The following TEX36 variants were observed in gnomAD, a reference collection of about 807,000 sequenced individuals.
The protein encoded by TEX36 is testis expressed 36, also known as testis-expressed protein 36.
In TEX36, 12 loss-of-function variants were observed where a neutral mutation model predicts 13.6. The observed-to-expected ratio is 0.88, with a 90% confidence interval of 0.56 to 1.43. The LOEUF is 1.43. TEX36 is among the 40% of genes most tolerant of loss of function. TEX36 has a pLI of 0.00. For synonymous variants in TEX36, 93 were observed against 83.0 expected, an observed-to-expected ratio of 1.12 and a Z score of -0.65; for missense variants, 224 against 228.3, an observed-to-expected ratio of 0.98 and a Z score of 0.12.
chr10:125,666,462 G>A (rs1021858104), intron 1 of TEX36, among the ~76,000 whole-genome samples: 3 of 152,040 alleles, frequency 2.0e-5, no homozygotes, highest in Admixed American at 2.0e-4. Flanking sequence ...TAATCATATG[G>A]TTTTTGTCCT....
rs35828943 is a variant in TEX36 at position 125,608,972 on chromosome 10, TAAAAAAAAAAA to T, written c.265-32109_265-32099del. Among the ~76,000 whole-genome samples, 158 of 83,330 alleles carry T rather than the reference TAAAAAAAAAAA, an allele frequency of 1.9e-3. 1 individual carries two copies. Among genetic ancestry groups the T allele is most frequent in the African/African-American group, 6.8e-3 (150 of 22,122 alleles). 54.7% of individuals were successfully genotyped at this position (83,330 alleles called of 152,430 possible). ...CAACATGGTGAAACCCCACCTCTAC[TAAAAAAAAAAA>T]AAAAAAAAGAAAGAAAAGAAAAGAA... On this transcript the variant is annotated intron_variant, in intron 3 of 3. Transcript: ENST00000532135.
chr10:125,596,758 A>T (rs2036221769), intron 3 of TEX36, among the ~76,000 whole-genome samples: 1 of 152,220 alleles, frequency 6.6e-6, no homozygotes, highest in Non-Finnish European at 1.5e-5. Flanking sequence ...AAATCAGCAG[A>T]TAGGCCCTAT....
chr10:125,608,629 C>A (rs1260595753), intron 3 of TEX36, among the ~76,000 whole-genome samples: 1 of 152,096 alleles, frequency 6.6e-6, no homozygotes, highest in Non-Finnish European at 1.5e-5. Context: ...AGACTGCCCC[C>A]TGGAGCACCC....
At chr10:125,662,255 C>T (rs1847057334) in intron 1 of TEX36, among the ~76,000 whole-genome samples, 1 of 152,114 alleles carries the variant, frequency 6.6e-6, no homozygotes, top group South Asian at 2.1e-4. Context: ...AGGGTGTGGT[C>T]CTCAGTGAGT....
At position 125,627,972 on chromosome 10, in the gene TEX36, G is replaced by A. The variant is rs17153318; in HGVS notation, c.265-6327C>T. On this transcript the variant is annotated intron_variant, in intron 3 of 3. Coordinates refer to the TEX36 transcript ENST00000526819. ...AAGAGACTTGTCCAGGCTAACTGAA[G>A]TGACTGTAAGACCAGAGTCACAATT... Among the ~76,000 whole-genome samples the A allele has an allele frequency of 7.9e-3, 1,198 of 152,336 alleles. 20 individuals carry two copies. Among genetic ancestry groups the A allele is most frequent in the African/African-American group, 0.027 (1,139 of 41,580 alleles).
intron 3 of TEX36, among the ~76,000 whole-genome samples, chr10:125,647,862 C>A (rs551527169): frequency 6.6e-6 from 1 of 152,186 alleles, no homozygotes; most frequent in African/African-American, 2.4e-5. Context: ...TTATATCCCG[C>A]GCCTGGCTCA....
chr10:125,597,746 A>C (rs1459453429), intron 3 of TEX36, among the ~76,000 whole-genome samples: 1 of 152,188 alleles, frequency 6.6e-6, no homozygotes, highest in African/African-American at 2.4e-5. Flanking sequence ...AAAGAATGGC[A>C]GTCAGGGTTT....
At chr10:125,622,840 T>C (rs1846444775) in intron 3 of TEX36, among the ~76,000 whole-genome samples, 1 of 152,234 alleles carries the variant, frequency 6.6e-6, no homozygotes, top group Admixed American at 6.5e-5. Context: ...CCTGTTGACT[T>C]AGAGGCAGGA....
In TEX36 at chr10:125,661,040, G is replaced by C. The variant is rs1192135605; in HGVS notation, c.245C>G (p.Ser82Cys). 6.4e-7 allele frequency: 1 copy of C among 1,551,860 alleles called. No homozygotes were observed. Among genetic ancestry groups the C allele is most frequent in the Non-Finnish European group, 8.7e-7 (1 of 1,146,976 alleles). The change falls in exon 3 of 4, where the codon TCT becomes TGT. Residue 82 changes from serine to cysteine, a missense_variant. Transcript: ENST00000368821. ...ACTCACGGAGTCAAGGTAGCATCCA[G>C]AGTTCTCCAAGCTGTGCCGATTGTC... Reference protein sequence around the residue: ...VHDNRHSLENSGCYLDSGLGR... With the variant: ...VHDNRHSLENCGCYLDSGLGR...
At chr10:125,679,101 T>A (rs898974976) in intron 1 of TEX36, among the ~76,000 whole-genome samples, 1 of 151,032 alleles carries the variant, frequency 6.6e-6, no homozygotes, top group Non-Finnish European at 1.5e-5. Flanking sequence ...CAGTAGCCCA[T>A]GTCTAGCTTG....
At chr10:125,674,320 T>C (rs924746324) in intron 1 of TEX36, among the ~76,000 whole-genome samples, 1 of 152,174 alleles carries the variant, frequency 6.6e-6, no homozygotes, top group African/African-American at 2.4e-5. Flanking sequence ...ACAGCTCCTG[T>C]TATGTTTTAT....
chr10:125,647,063 T>C (rs111389820), intron 3 of TEX36, among the ~76,000 whole-genome samples: 1 of 152,220 alleles, frequency 6.6e-6, no homozygotes, highest in South Asian at 2.1e-4. Flanking sequence ...TAATACCTCA[T>C]AACAAATAGA....
intron 3 of TEX36, among the ~76,000 whole-genome samples, chr10:125,613,982 G>A (rs1846325268): frequency 6.6e-6 from 1 of 152,338 alleles, no homozygotes; most frequent in Non-Finnish European, 1.5e-5. Flanking sequence ...TCTAACTGGT[G>A]TGAGATGGTA....
intron 3 of TEX36, among the ~76,000 whole-genome samples, chr10:125,639,966 G>A (rs1846666093): frequency 6.6e-6 from 1 of 152,214 alleles, no homozygotes; most frequent in African/African-American, 2.4e-5. Flanking sequence ...GCAGAAGAAT[G>A]TTTAAAATGG....
In TEX36 at chr10:125,660,605, G is replaced by A. The variant is rs75520947; in HGVS notation, c.264+416C>T. Among the ~76,000 whole-genome samples, 1,072 of 152,300 alleles carry A rather than the reference G, an allele frequency of 7.0e-3. 13 individuals are homozygous for A. Among genetic ancestry groups the A allele is most frequent in the South Asian group, 0.039 (186 of 4,826 alleles). On this transcript the variant is annotated intron_variant, in intron 3 of 3. Coordinates refer to ENST00000368821, the MANE Select transcript of TEX36 (RefSeq NM_001128202.3). ...GGGAACTCACAACCTGTAGAGAAAAGGCAACTCCAGTTACAAGGAAATCCT... is the reference window on the plus strand; with the variant it reads ...GGGAACTCACAACCTGTAGAGAAAAAGCAACTCCAGTTACAAGGAAATCCT...
rs575393485 is a variant in TEX36 at position 125,579,859 on chromosome 10, C to T, written c.265-2985G>A. ...TCCCCAGCCATGCTTCCTGTACAGC[C>T]TGTGGAACTGTGAGGAAATTAAACC... On this transcript the variant is annotated intron_variant, in intron 3 of 3. Coordinates refer to the TEX36 transcript ENST00000532135. Among the ~76,000 whole-genome samples, 8 of 152,210 alleles carry T rather than the reference C, an allele frequency of 5.3e-5. No homozygotes were observed. In the South Asian group the frequency reaches 1.7e-3, roughly 32 times the overall value.
At chr10:125,587,360 T>C (rs941941816) in intron 3 of TEX36, among the ~76,000 whole-genome samples, 2 of 152,182 alleles carry the variant, frequency 1.3e-5, no homozygotes, top group African/African-American at 4.8e-5. Context: ...TATCATGTTT[T>C]AATTTAATTT....
At chr10:125,612,095 T>C (rs568279336) in intron 3 of TEX36, among the ~76,000 whole-genome samples, 2 of 149,768 alleles carry the variant, frequency 1.3e-5, no homozygotes, top group Non-Finnish European at 3.0e-5. Context: ...TTTTCTTTTT[T>C]TTTTTTTTCA....
At chr10:125,619,186 A>G (rs1457776829), downstream of TEX36, among the ~76,000 whole-genome samples, 2 of 152,106 alleles carry the variant, frequency 1.3e-5, no homozygotes, top group African/African-American at 4.8e-5. Flanking sequence ...AATATCCGTT[A>G]TTGGTTGAGT....
Sources: allele counts gnomAD v4.1 joint callset (sites outside exome capture counted in the v4.1 genomes callset), GRCh38; gene constraint gnomAD v4.1.1; transcripts MANE v1.5; gene names NCBI Gene and HGNC (gene_info 2026-07-23, HGNC 2026-07-21).